The following CNTNAP2 variants were observed in gnomAD, a reference collection of about 807,000 sequenced individuals.
The protein encoded by CNTNAP2 is contactin-associated protein-like 2.
CNTNAP2 carries 98 observed loss-of-function variants against 155.2 expected under a neutral mutation model. The observed-to-expected ratio is 0.63, with a 90% CI of 0.54 to 0.75. The LOEUF (loss-of-function observed/expected upper bound fraction) is 0.75, where lower values mean the gene tolerates loss of function less well. Ranked by LOEUF, CNTNAP2 falls within the 30% of genes least tolerant of loss-of-function variation. The pLI, the probability that CNTNAP2 is intolerant of heterozygous loss-of-function variation, is 0.00. For missense variants in CNTNAP2, 1,727 were observed against 1,688.1 expected (o/e 1.02, Z -0.40); for synonymous variants, 651 against 631.2 (o/e 1.03, Z -0.47).
intron 21 of CNTNAP2, among the ~76,000 whole-genome samples, chr7:148,379,582 C>T (rs960182001): frequency 2.0e-5 from 3 of 151,984 alleles, no homozygotes; most frequent in African/African-American, 4.8e-5. Context: ...CATGGTAGCA[C>T]ACGAGTGTGG....
intron 16 of CNTNAP2, among the ~76,000 whole-genome samples, chr7:148,136,327 G>C (rs1022322838): frequency 6.6e-6 from 1 of 152,048 alleles, no homozygotes; most frequent in African/African-American, 2.4e-5. Context: ...GATCCTTCAT[G>C]AATGGCTTGG....
chr7:147,720,980 C>A (rs56020338), intron 13 of CNTNAP2, among the ~76,000 whole-genome samples: 2,182 of 152,110 alleles, frequency 0.014, 27 homozygotes, highest in Non-Finnish European at 0.023. Context: ...CCATCAATTC[C>A]CAAATATGTT....
At chr7:147,305,231 G>A (rs1490164956) in intron 9 of CNTNAP2, among the ~76,000 whole-genome samples, 1 of 152,124 alleles carries the variant, frequency 6.6e-6, no homozygotes, top group Non-Finnish European at 1.5e-5. Flanking sequence ...TGGGGTTTTT[G>A]CTATTGAAAG....
intron 13 of CNTNAP2, among the ~76,000 whole-genome samples, chr7:147,733,159 G>A (rs1317403987): frequency 6.6e-6 from 1 of 152,184 alleles, no homozygotes; most frequent in Non-Finnish European, 1.5e-5. Flanking sequence ...GGCTTTTATG[G>A]TTTTAGGTCT....
intron 1 of CNTNAP2, among the ~76,000 whole-genome samples, chr7:146,483,281 AAATATAT>A (rs1258466556): frequency 8.6e-5 from 5 of 58,030 alleles, no homozygotes; most frequent in Admixed American, 1.7e-4. Flanking sequence ...GTCTAAAAAA[AAATATAT>A]ATATATATAT....
chr7:146,702,236 A>T (rs1341824588), intron 1 of CNTNAP2, among the ~76,000 whole-genome samples: 1 of 152,186 alleles, frequency 6.6e-6, no homozygotes, highest in Admixed American at 6.6e-5. Context: ...AATTAGAAAA[A>T]ATTAAGTAGT....
intron 15 of CNTNAP2, among the ~76,000 whole-genome samples, chr7:148,106,953 A>C (rs1804236933): frequency 6.6e-6 from 1 of 152,020 alleles, no homozygotes; most frequent in African/African-American, 2.4e-5. Flanking sequence ...TCTAGTTATT[A>C]ACTTTGAGCC....
At chr7:146,653,117 C>T (rs1174382489) in intron 1 of CNTNAP2, among the ~76,000 whole-genome samples, 2 of 152,044 alleles carry the variant, frequency 1.3e-5, no homozygotes, top group African/African-American at 4.8e-5. Flanking sequence ...GAGAGGTTGC[C>T]AGCTCACGTT....
chr7:146,720,926 C>CTA (rs1295853411), intron 1 of CNTNAP2, among the ~76,000 whole-genome samples: 1 of 138,144 alleles, frequency 7.2e-6, no homozygotes, highest in Non-Finnish European at 1.5e-5. Flanking sequence ...TCTATATATT[C>CTA]TATATATATA....
At chr7:146,748,685 A>G (rs761607491) in intron 1 of CNTNAP2, among the ~76,000 whole-genome samples, 2 of 152,230 alleles carry the variant, frequency 1.3e-5, no homozygotes, top group Admixed American at 6.5e-5. Context: ...TTATAATATG[A>G]TGGAAACATT....
chr7:146,303,880 C>T (rs1350186768), intron 1 of CNTNAP2, among the ~76,000 whole-genome samples: 1 of 151,986 alleles, frequency 6.6e-6, no homozygotes, highest in Non-Finnish European at 1.5e-5. Context: ...TAAAGTCTCC[C>T]ATTATTATTG....
chr7:147,645,559 A>T (rs899074031), intron 13 of CNTNAP2, among the ~76,000 whole-genome samples: 3 of 152,238 alleles, frequency 2.0e-5, no homozygotes, highest in Non-Finnish European at 4.4e-5. Context: ...TACTCAGACA[A>T]CTAGCATCTG....
intron 1 of CNTNAP2, among the ~76,000 whole-genome samples, chr7:146,250,343 C>T (rs949615184): frequency 5.9e-5 from 9 of 152,138 alleles, no homozygotes; most frequent in Admixed American, 2.6e-4. Context: ...GTGGTTCAAC[C>T]GAAGTGTTGC....
At chr7:147,328,050 A>G (rs1795493346) in intron 9 of CNTNAP2, among the ~76,000 whole-genome samples, 1 of 152,174 alleles carries the variant, frequency 6.6e-6, no homozygotes, top group Non-Finnish European at 1.5e-5. Flanking sequence ...AATTTTTGGA[A>G]AAAAAATAAA....
Position 148,366,121 on chromosome 7 carries a change from T to C in CNTNAP2, c.3476-17528T>C, listed in dbSNP as rs375622540. On this transcript the variant is annotated intron_variant, in intron 21 of 23. Coordinates refer to ENST00000361727, the MANE Select transcript of CNTNAP2 (RefSeq NM_014141.6). ...ATGTGTATGCATGTATGCATGTATGTGTATGCATGTATGCATGTATGTGTA... is the reference window on the plus strand; with the variant it reads ...ATGTGTATGCATGTATGCATGTATGCGTATGCATGTATGCATGTATGTGTA... Among the ~76,000 whole-genome samples the C allele has an allele frequency of 8.1e-4, 17 of 21,080 alleles. 8 individuals are homozygous for C. The highest frequency in any genetic ancestry group is 2.3e-3 in the Admixed American group (2 of 886). The allele number at this position is 21,080 out of a possible 152,430, so 13.8% of individuals were successfully genotyped here.
At chr7:146,318,500 A>G (rs368029875) in intron 1 of CNTNAP2, among the ~76,000 whole-genome samples, 2 of 152,174 alleles carry the variant, frequency 1.3e-5, no homozygotes, top group African/African-American at 2.4e-5. Context: ...GGCACATACT[A>G]TCACTTTTTC....
At position 148,375,358 on chromosome 7, in the gene CNTNAP2, A is replaced by G. The variant is rs1798965028; in HGVS notation, c.3476-8291A>G. 1.4e-5 allele frequency among the ~76,000 whole-genome samples: 2 copies of G among 147,844 alleles called. 1 individual carries two copies. Among genetic ancestry groups the G allele is most frequent in the Non-Finnish European group, 3.0e-5 (2 of 67,216 alleles). ...TATTTTTATATATATATAGTATATT[A>G]TATATATACAATTTTTTTTGAGACA... is the stretch of plus-strand genomic sequence containing the variant. On this transcript the variant is annotated intron_variant, in intron 21 of 23. Coordinates refer to ENST00000361727, the MANE Select transcript of CNTNAP2 (RefSeq NM_014141.6).
chr7:148,215,824 C>A lies in CNTNAP2; in HGVS notation c.3011-1464C>A, dbSNP rs79158108. On this transcript the variant is annotated intron_variant, in intron 18 of 23. Transcript: ENST00000361727. ...GGCTGCTACAGACAAGGGCAAGATA[C>A]ACCCCCAGGCGTCGGACTTCGCTGC... is the stretch of plus-strand genomic sequence containing the variant. 4.4e-3 allele frequency among the ~76,000 whole-genome samples: 673 copies of A among 152,264 alleles called. 19 individuals are homozygous for A. The East Asian group carries it at 0.083, about 19-fold the overall frequency.
At position 147,875,859 on chromosome 7, in the gene CNTNAP2, C is replaced by T. The variant is rs80286044; in HGVS notation, c.2099-27706C>T. Among the ~76,000 whole-genome samples the T allele has an allele frequency of 7.5e-3, 1,144 of 152,210 alleles. 16 individuals carry two copies. The highest frequency in any genetic ancestry group is 0.026 in the African/African-American group (1,096 of 41,528). On this transcript the variant is annotated intron_variant, in intron 13 of 23. Coordinates refer to ENST00000361727, the MANE Select transcript of CNTNAP2 (RefSeq NM_014141.6). ...ATCAGATTACTCTGGGTGACCCTAC[C>T]TTCAGAAGCAGATAAAAGTGGTAAC...
Sources: gnomAD v4.1 joint callset for allele counts (sites outside exome capture counted in the v4.1 genomes callset) on GRCh38, gnomAD v4.1.1 for gene constraint, MANE v1.5 for transcripts, NCBI Gene and HGNC (gene_info 2026-07-23, HGNC 2026-07-21) for gene names.